COL23A1: variants seen among roughly 807,000 people sequenced by gnomAD.
The protein encoded by COL23A1 is collagen type XXIII alpha 1 chain, also known as collagen alpha-1(XXIII) chain.
Under a neutral mutation model 99.3 loss-of-function variants are expected in COL23A1, and 97 were observed. The ratio of observed to expected loss-of-function variants is 0.98; its 90% CI spans 0.83 to 1.16. COL23A1 has a LOEUF of 1.16. Ranked by LOEUF, COL23A1 falls within the 50% of genes most tolerant of loss-of-function variation. COL23A1 has a pLI of 0.00. For missense variants in COL23A1, 762 were observed against 757.4 expected, an observed-to-expected ratio of 1.01 and a Z score of -0.07; for synonymous variants, 320 against 308.2, an observed-to-expected ratio of 1.04 and a Z score of -0.40.
At chr5:178,454,810 G>A (rs1056309823) in intron 2 of COL23A1, among the ~76,000 whole-genome samples, 36 of 152,326 alleles carry the variant, frequency 2.4e-4, no homozygotes, top group African/African-American at 8.2e-4. Flanking sequence ...TTAGTTTCCC[G>A]TGGCTGTTAA....
rs559925206 is a variant in COL23A1 at position 178,384,197 on chromosome 5, C to T, written c.362-77278G>A. On this transcript the variant is annotated intron_variant, in intron 2 of 28. Coordinates refer to ENST00000390654, the MANE Select transcript of COL23A1 (RefSeq NM_173465.4). The surrounding 1 kb of genome is among the most constrained non-coding windows in gnomAD (Gnocchi z 5.5). The stretch of plus-strand genomic sequence containing the variant: ...GGCGGCACTTTTAAGATAGTGACAA[C>T]GAGAGCAGCGTGGAGCCAGACGCTG... 3.7e-4 allele frequency among the ~76,000 whole-genome samples: 56 copies of T among 151,728 alleles called. No individual in the cohort carries two copies. In the South Asian group the frequency reaches 5.6e-3, roughly 15 times the overall value.
chr5:178,285,060 G>A (rs181055303), intron 5 of COL23A1, among the ~76,000 whole-genome samples: 1 of 152,328 alleles, frequency 6.6e-6, no homozygotes, highest in East Asian at 1.9e-4. Flanking sequence ...GAGCAGAGAG[G>A]ACAGGCCAGC....
intron 5 of COL23A1, among the ~76,000 whole-genome samples, chr5:178,284,193 T>C (rs980811805): frequency 9.9e-5 from 15 of 152,180 alleles, no homozygotes; most frequent in Admixed American, 7.2e-4. Flanking sequence ...CCTGGACCAG[T>C]TGGGATCCAA....
At chr5:178,485,194 A>G (rs1408644441) in intron 2 of COL23A1, among the ~76,000 whole-genome samples, 1 of 152,138 alleles carries the variant, frequency 6.6e-6, no homozygotes, top group Non-Finnish European at 1.5e-5. Context: ...CAGGATAGGC[A>G]GGATGTGGTG....
intron 22 of COL23A1, 120 bp from the exon 23 acceptor site, chr5:178,246,573 A>C: frequency 1.0e-6 from 1 of 996,612 alleles, no homozygotes; most frequent in Middle Eastern, 3.2e-4. Context: ...AGGCTCCCCC[A>C]GGCCTGGCCC....
intron 3 of COL23A1, among the ~76,000 whole-genome samples, chr5:178,298,942 T>C (rs2973789): frequency 0.66 from 99,803 of 152,170 alleles, 33,356 homozygotes; most frequent in Non-Finnish European, 0.7. Flanking sequence ...CATGTGGTTT[T>C]ATCTCTTATT....
intron 2 of COL23A1, among the ~76,000 whole-genome samples, chr5:178,335,572 T>C (rs1487840636): frequency 1.3e-5 from 2 of 152,338 alleles, no homozygotes; most frequent in Middle Eastern, 3.4e-3. Flanking sequence ...GCCTGGTCCA[T>C]GTGTATCTGG....
intron 1 of COL23A1, among the ~76,000 whole-genome samples, chr5:178,572,640 A>G (rs1763165222): frequency 6.6e-6 from 1 of 152,222 alleles, no homozygotes; most frequent in Admixed American, 6.5e-5. Context: ...TTAATAATAC[A>G]CATATCATAT....
chr5:178,362,489 C>G (rs146143144), intron 2 of COL23A1, among the ~76,000 whole-genome samples: 25 of 152,286 alleles, frequency 1.6e-4, no homozygotes, highest in African/African-American at 6.0e-4. Context: ...CAGCACCTCA[C>G]TTTTCCTTTG....
intron 2 of COL23A1, among the ~76,000 whole-genome samples, chr5:178,536,960 TG>T (rs901084873): frequency 1.3e-4 from 20 of 152,192 alleles, no homozygotes; most frequent in Non-Finnish European, 2.5e-4. Context: ...CATTAGGATC[TG>T]ACCCTGCAGA....
intron 1 of COL23A1, among the ~76,000 whole-genome samples, chr5:178,585,751 T>TGC (rs1562115782): frequency 1.7e-3 from 9 of 5,200 alleles, no homozygotes; most frequent in South Asian, 6.3e-3. Context: ...GCTGACCCTG[T>TGC]TGGTTGCTCC....
intron 2 of COL23A1, among the ~76,000 whole-genome samples, chr5:178,520,480 G>T (rs1220344594): frequency 6.6e-6 from 1 of 152,180 alleles, no homozygotes; most frequent in Admixed American, 6.5e-5. Flanking sequence ...AGGGCTCAGG[G>T]CTCTGTCGAT....
In COL23A1 at chr5:178,355,403, G is replaced by T. The variant is rs145231957; in HGVS notation, c.362-48484C>A. Reference sequence around the variant, plus strand: ...GGATATTAAGGCACAACGCTATACAGATATGGAAACATTAAGTCATACATC... The same window carrying T: ...GGATATTAAGGCACAACGCTATACATATATGGAAACATTAAGTCATACATC... On this transcript the variant is annotated intron_variant, in intron 2 of 28. Transcript: ENST00000390654. Among the ~76,000 whole-genome samples, 785 of 152,306 alleles carry T rather than the reference G, an allele frequency of 5.2e-3. 12 individuals carry two copies. The highest frequency in any genetic ancestry group is 6.8e-3 in the Middle Eastern group (2 of 294).
Position 178,590,006 on chromosome 5 carries a change from C to T in COL23A1, c.192G>A (p.Arg64=), listed in dbSNP as rs745506225. ...LGVQAAALQG[R]VAALEEEREL... The stretch of plus-strand genomic sequence containing the variant: ...CCCGCTCCTCCTCGAGCGCCGCCAC[C>T]CGGCCCTGCAGCGCGGCCGCCTGGA... Residue 64 remains arginine, a synonymous_variant, in exon 1 of 29, where the codon CGG becomes CGA. Transcript: ENST00000390654. The surrounding 1 kb of genome is among the most constrained non-coding windows in gnomAD (Gnocchi z 5.7). 217 of 1,357,012 alleles carry T rather than the reference C, an allele frequency of 1.6e-4. 3 individuals are homozygous for T. The highest frequency in any genetic ancestry group is 2.3e-5 in the Non-Finnish European group (24 of 1,056,306). The allele number at this position is 1,357,012 out of a possible 1,614,324, so 84.1% of individuals were successfully genotyped here.
At chr5:178,256,301 TG>T in intron 15 of COL23A1, 51 bp downstream of exon 15, 2 of 1,422,790 alleles carry the variant, frequency 1.4e-6, no homozygotes, top group Non-Finnish European at 9.4e-7. Context: ...TCTGAAGCTA[TG>T]GGGCCCCTAG....
At chr5:178,289,201 G>A (rs925523385) in intron 4 of COL23A1, among the ~76,000 whole-genome samples, 2 of 151,922 alleles carry the variant, frequency 1.3e-5, no homozygotes, top group Admixed American at 6.6e-5. Flanking sequence ...CATGGTACAC[G>A]GAAGTAAAAA....
At chr5:178,337,587 GC>G (rs1454350462) in intron 2 of COL23A1, among the ~76,000 whole-genome samples, 3 of 152,130 alleles carry the variant, frequency 2.0e-5, no homozygotes, top group Non-Finnish European at 4.4e-5. Flanking sequence ...CAGACTCCCT[GC>G]TCTGGGGGTA....
chr5:178,247,404 G>T, intron 22 of COL23A1, 122 bp downstream of exon 22: 1 of 1,134,842 alleles, frequency 8.8e-7, no homozygotes, highest in Non-Finnish European at 1.3e-6. Context: ...TTCAGGCGCT[G>T]GGAAGACTCA....
chr5:178,526,802 A>G (rs1469378192), intron 2 of COL23A1, among the ~76,000 whole-genome samples: 1 of 152,226 alleles, frequency 6.6e-6, no homozygotes, highest in Non-Finnish European at 1.5e-5. Context: ...CTCCTCTGCT[A>G]TCCAGACATG....
Sources: allele counts gnomAD v4.1 joint callset (sites outside exome capture counted in the v4.1 genomes callset), GRCh38; gene constraint gnomAD v4.1.1; non-coding constraint Gnocchi (gnomAD v3.1); transcripts MANE v1.5; gene names NCBI Gene and HGNC (gene_info 2026-07-23, HGNC 2026-07-21).